QTGAL: variants seen among roughly 807,000 people sequenced by gnomAD.
The protein encoded by QTGAL is BGnT-like protein 1.
the QTGAL span, among the ~76,000 whole-genome samples, chr17:83,030,607 T>C: frequency 2.6e-5 from 4 of 152,192 alleles, no homozygotes; most frequent in Non-Finnish European, 5.9e-5. Context: ...CGGCCAGGCT[T>C]GTCTGTAACC....
the QTGAL span, among the ~76,000 whole-genome samples, chr17:82,992,306 G>A: frequency 7.2e-5 from 11 of 152,154 alleles, no homozygotes; most frequent in Middle Eastern, 3.4e-3. Flanking sequence ...CAAGCAGCAA[G>A]AGAAAAGAAA....
the QTGAL span, among the ~76,000 whole-genome samples, chr17:83,043,030 TA>T: frequency 6.6e-6 from 1 of 152,188 alleles, no homozygotes; most frequent in Non-Finnish European, 1.5e-5. Context: ...CAAAATTAAG[TA>T]AGGCAAAGAT....
chr17:82,988,251 T>C, the QTGAL span, among the ~76,000 whole-genome samples: 1 of 152,180 alleles, frequency 6.6e-6, no homozygotes, highest in African/African-American at 2.4e-5. Context: ...AAACAAGTAA[T>C]GGGGAAAGGA....
the QTGAL span, among the ~76,000 whole-genome samples, chr17:83,012,949 C>T: frequency 6.6e-5 from 10 of 152,174 alleles, no homozygotes; most frequent in Admixed American, 3.9e-4. Context: ...CAGACACTCT[C>T]GGACGTCTCT....
chr17:82,977,241 G>A, the QTGAL span, among the ~76,000 whole-genome samples: 2 of 152,344 alleles, frequency 1.3e-5, no homozygotes, highest in African/African-American at 2.4e-5. Flanking sequence ...CCGCGAAGTC[G>A]GAACCTGCGT....
At chr17:82,951,949 G>A in the QTGAL span, among the ~76,000 whole-genome samples, 5 of 151,976 alleles carry the variant, frequency 3.3e-5, no homozygotes, top group East Asian at 1.9e-4. Context: ...GACATATTGC[G>A]AGAATTAACA....
chr17:83,013,706 G>A, the QTGAL span, among the ~76,000 whole-genome samples: 9 of 151,992 alleles, frequency 5.9e-5, no homozygotes, highest in South Asian at 2.1e-4. Context: ...GCACAGCCCC[G>A]CGGGGGGAGG....
the QTGAL span, among the ~76,000 whole-genome samples, chr17:83,034,429 A>G: frequency 1.3e-5 from 2 of 152,244 alleles, no homozygotes; most frequent in Non-Finnish European, 2.9e-5. Context: ...TTAAACAGCA[A>G]CAACCTATTG....
chr17:83,007,223 C>T, the QTGAL span: 1 of 985,254 alleles, frequency 1.0e-6, no homozygotes, highest in African/African-American at 1.7e-5. Context: ...ATGTCTCTCT[C>T]CTAAAGCACA....
the QTGAL span, among the ~76,000 whole-genome samples, chr17:83,021,585 C>G: frequency 6.6e-6 from 1 of 152,176 alleles, no homozygotes; most frequent in African/African-American, 2.4e-5. Context: ...CTAAGATCCT[C>G]AAGTGGATTT....
At chr17:82,952,319 C>T in the QTGAL span, among the ~76,000 whole-genome samples, 1 of 152,242 alleles carries the variant, frequency 6.6e-6, no homozygotes, top group Non-Finnish European at 1.5e-5. Context: ...AACCCCCCAA[C>T]AGTACCGCTT....
At chr17:82,977,740 G>A in the QTGAL span, among the ~76,000 whole-genome samples, 1 of 152,162 alleles carries the variant, frequency 6.6e-6, no homozygotes, top group African/African-American at 2.4e-5. Context: ...GCAGGACGGT[G>A]ACGCCCGAGA....
At chr17:82,985,573 G>A in the QTGAL span, among the ~76,000 whole-genome samples, 1 of 152,168 alleles carries the variant, frequency 6.6e-6, no homozygotes, top group Non-Finnish European at 1.5e-5. Context: ...CATCCTTGGT[G>A]TTTAGTGGCA....
At chr17:83,007,349 T>C in the QTGAL span, 48 of 873,872 alleles carry the variant, frequency 5.5e-5, no homozygotes, top group African/African-American at 8.0e-4. Flanking sequence ...TGTCTGTTTC[T>C]GTGCATCCTG....
chr17:82,947,101 T>C, the QTGAL span: 1 of 795,404 alleles, frequency 1.3e-6, no homozygotes, highest in Non-Finnish European at 2.0e-6. Context: ...AGTGTTCTGC[T>C]CCTCTGCTAA....
At chr17:82,979,118 ACAAT>A in the QTGAL span, among the ~76,000 whole-genome samples, 1 of 152,246 alleles carries the variant, frequency 6.6e-6, no homozygotes, top group Non-Finnish European at 1.5e-5. Context: ...GAAAAAAGAA[ACAAT>A]CAGGCAGAAA....
At chr17:83,030,591 T>A in the QTGAL span, among the ~76,000 whole-genome samples, 1 of 152,188 alleles carries the variant, frequency 6.6e-6, no homozygotes, top group African/African-American at 2.4e-5. Context: ...GCAGTGAGGA[T>A]GAGAACGGCC....
chr17:82,992,448 A>G, the QTGAL span, among the ~76,000 whole-genome samples: 1 of 152,228 alleles, frequency 6.6e-6, no homozygotes, highest in Admixed American at 6.5e-5. Context: ...CTTTTACACT[A>G]GAATAGTATA....
chr17:83,044,807 G>A, the QTGAL span, among the ~76,000 whole-genome samples: 3 of 152,208 alleles, frequency 2.0e-5, no homozygotes, highest in Admixed American at 6.5e-5. Context: ...TTAGCTGGTT[G>A]TGGTGGCGCA....
Sources: gnomAD v4.1 joint callset for allele counts (sites outside exome capture counted in the v4.1 genomes callset) on GRCh38, gnomAD v4.1.1 for gene constraint, MANE v1.5 for transcripts, NCBI Gene and HGNC (gene_info 2026-07-23, HGNC 2026-07-21) for gene names.